The following PBRM1 variants were observed in gnomAD, a reference collection of about 807,000 sequenced individuals.
The protein encoded by PBRM1 is polybromo 1.
Under a neutral mutation model 194.5 loss-of-function variants are expected in PBRM1, and 27 were observed. The ratio of observed to expected loss-of-function variants is 0.14; its 90% CI spans 0.10 to 0.19. PBRM1 has a LOEUF of 0.19. PBRM1 is among the 10% of genes least tolerant of loss of function. The pLI is 1.00. For missense variants in PBRM1, 1,466 were observed against 2,077.2 expected (o/e 0.71, Z 5.72); for synonymous variants, 655 against 693.2 (o/e 0.94, Z 0.87).
chr3:52,569,964 TTTC>T (rs1391144377), intron 22 of PBRM1, among the ~76,000 whole-genome samples: 2 of 152,090 alleles, frequency 1.3e-5, no homozygotes, highest in African/African-American at 2.4e-5. Flanking sequence ...CCCTATTTTG[TTTC>T]TTTTCTTTTT....
chr3:52,593,799 A>G (rs2093323088), intron 17 of PBRM1, among the ~76,000 whole-genome samples: 1 of 152,126 alleles, frequency 6.6e-6, no homozygotes, highest in Non-Finnish European at 1.5e-5. Context: ...AGTGGTTGGT[A>G]TAATTTTCCT....
exon 21 of PBRM1, chr3:52,579,061 C>G (rs369155727): frequency 1.5e-5 from 25 of 1,614,046 alleles, no homozygotes; most frequent in East Asian, 2.2e-5. Context: ...CACCTGCCCA[C>G]ACGAGGACGC....
downstream of PBRM1, chr3:52,546,828 T>C (rs1274430757): frequency 4.3e-6 from 1 of 233,166 alleles, no homozygotes; most frequent in Admixed American, 5.6e-5. Context: ...AAGCGTTTTA[T>C]TAAATTATGA....
chr3:52,634,806 T>C lies in PBRM1; in HGVS notation c.1097A>G (p.Tyr366Cys), dbSNP rs373477703. ...TTCTGCTTCTGACTCTCCCTCTTCA[T>C]AGCGTGCAGCTGGAAAGACAAAAAA... The change falls in exon 11 of 30, where the codon TAT becomes TGT. Residue 366 changes from tyrosine (Y) to cysteine (C), a missense_variant. Tyr to Cys is a radical substitution (Grantham distance 194). Around this residue, in one of 5 missense-constraint regions of PBRM1, gnomAD observed 457 missense variants for 591.6 expected, o/e 0.77. Transcript: ENST00000296302. 6.6e-5 allele frequency: 107 copies of C among 1,612,896 alleles called. No homozygotes were observed. In the Admixed American group the frequency reaches 1.6e-3, roughly 23 times the overall value.
rs930489703 is a variant in PBRM1, at chr3:52,609,083, T to G, written c.2567+230A>C. The G allele has an allele frequency of 1.2e-5, 5 of 422,866 alleles. No individual in the cohort carries two copies. Among genetic ancestry groups the G allele is most frequent in the Admixed American group, 4.0e-5 (1 of 24,904 alleles). 26.2% of individuals were successfully genotyped at this position (422,866 alleles called of 1,614,324 possible). ...TATGCTTTTCAAGAGATTTTCAATT[T>G]TGTCTTCCTCCTCACTGGCCTTAAA... On this transcript the variant is annotated intron_variant, in intron 16 of 29. Coordinates refer to ENST00000296302, the Ensembl canonical transcript of PBRM1. The surrounding 1 kb of genome is among the most constrained non-coding windows in gnomAD (Gnocchi z 4.1).
chr3:52,596,902 C>A (rs75388845), intron 17 of PBRM1, among the ~76,000 whole-genome samples: 2,959 of 152,200 alleles, frequency 0.019, 44 homozygotes, highest in African/African-American at 0.041. Flanking sequence ...CTAGGACTTG[C>A]CTAATAGTTG....
At chr3:52,567,343 C>T (rs116664445) in intron 22 of PBRM1, among the ~76,000 whole-genome samples, 1 of 151,760 alleles carries the variant, frequency 6.6e-6, no homozygotes, top group Non-Finnish European at 1.5e-5. Flanking sequence ...TCAATTTGCA[C>T]GTAGGTGAAT....
chr3:52,658,907 T>C (rs901615602), intron 4 of PBRM1, among the ~76,000 whole-genome samples: 2 of 152,234 alleles, frequency 1.3e-5, no homozygotes, highest in African/African-American at 4.8e-5. Context: ...GTTTAAGTGC[T>C]ACAAATGTGA....
rs535678832 is a variant in PBRM1 at position 52,664,454 on chromosome 3, C to T, written c.385-2178G>A. ...AAGATTATCTAAAAAGCAACACAGA[C>T]GCTGGGCGCGGTGGCTCACGCCTGT... On this transcript the variant is annotated intron_variant, in intron 3 of 29. Transcript: ENST00000296302. Among the ~76,000 whole-genome samples the T allele has an allele frequency of 1.9e-4, 28 of 145,954 alleles. No individual in the cohort carries two copies. In the South Asian group the frequency reaches 2.8e-3, roughly 15 times the overall value.
upstream of PBRM1, among the ~76,000 whole-genome samples, chr3:52,682,986 G>A (rs577510790): frequency 6.6e-6 from 1 of 152,148 alleles, no homozygotes; most frequent in South Asian, 2.1e-4. Context: ...GATCACCTGA[G>A]GTCAGGAGAT....
chr3:52,655,212 ACT>A (rs2096586990), intron 5 of PBRM1, among the ~76,000 whole-genome samples: 1 of 152,114 alleles, frequency 6.6e-6, no homozygotes, highest in African/African-American at 2.4e-5. Context: ...CAAAATGGAA[ACT>A]CTGTACATAT....
chr3:52,573,683 C>A (rs912854270), intron 22 of PBRM1, among the ~76,000 whole-genome samples: 2 of 152,144 alleles, frequency 1.3e-5, no homozygotes, highest in African/African-American at 4.8e-5. Flanking sequence ...GCTCTAAGGG[C>A]CATTACTTCA....
At chr3:52,583,420 A>C (rs553649779) in intron 20 of PBRM1, among the ~76,000 whole-genome samples, 86 of 152,184 alleles carry the variant, frequency 5.7e-4, no homozygotes, top group African/African-American at 9.6e-4. Flanking sequence ...AAAAAAACAA[A>C]AAAAAAAACA....
rs114842850 is a variant in PBRM1, at chr3:52,598,612, T to C, written c.2779+4909A>G. Among the ~76,000 whole-genome samples, 1,197 of 152,296 alleles carry C rather than the reference T, an allele frequency of 7.9e-3. 11 individuals carry two copies. Among genetic ancestry groups the C allele is most frequent in the African/African-American group, 0.027 (1,124 of 41,554 alleles). ...ATTTTTCATTGACATATGATAATCA[T>C]GTGGCTGGTGTCTGCAATCCCAGCA... On this transcript the variant is annotated intron_variant, in intron 17 of 29. Transcript: ENST00000296302.
Position 52,638,986 on chromosome 3 carries a change from TGGG to T in PBRM1, c.1087+2965_1087+2967del, listed in dbSNP as rs71084199. The stretch of plus-strand genomic sequence containing the variant: ...GCATAACGTTATTCACATTTTTTTT[TGGG>T]GGGGGGGGGCGGGGGACAAAGTTTT... On this transcript the variant is annotated intron_variant, in intron 10 of 29. Transcript: ENST00000296302. 2.4e-4 allele frequency among the ~76,000 whole-genome samples: 14 copies of T among 57,890 alleles called. No homozygotes were observed. The East Asian group carries it at 0.017, about 71-fold the overall frequency. 38.0% of individuals were successfully genotyped at this position (57,890 alleles called of 152,430 possible).
At position 52,677,408 on chromosome 3, in the gene PBRM1, C is replaced by CTTTTTT. The variant is rs71087007; in HGVS notation, c.236+1086_236+1091dup. 3.2e-4 allele frequency among the ~76,000 whole-genome samples: 35 copies of CTTTTTT among 110,828 alleles called. 7 individuals carry two copies. The highest frequency in any genetic ancestry group is 1.3e-3 in the African/African-American group (29 of 22,088). The allele number at this position is 110,828 out of a possible 152,430, so 72.7% of individuals were successfully genotyped here. ...ACAGGCGCCCCACCACCATGCTCGGCTTTTTTTTTTTTTTTTTTTTTGAGA... is the reference window on the plus strand; with the variant it reads ...ACAGGCGCCCCACCACCATGCTCGGCTTTTTTTTTTTTTTTTTTTTTTTTTTTGAGA... On this transcript the variant is annotated intron_variant, in intron 2 of 29. Coordinates refer to ENST00000296302, the Ensembl canonical transcript of PBRM1.
intron 22 of PBRM1, among the ~76,000 whole-genome samples, chr3:52,573,740 G>A (rs897509719): frequency 6.6e-6 from 1 of 152,212 alleles, no homozygotes. Flanking sequence ...AATTCTGTAA[G>A]ATAGTCAAAG....
At chr3:52,675,118 TAGA>T (rs2097067267) in intron 2 of PBRM1, among the ~76,000 whole-genome samples, 1 of 152,082 alleles carries the variant, frequency 6.6e-6, no homozygotes. Flanking sequence ...GCCAACAAAT[TAGA>T]TAAACTAGAA....
In PBRM1 at chr3:52,609,569, C is replaced by T. The variant is rs1190579793; in HGVS notation, c.2311G>A (p.Val771Ile). Residue 771 changes from valine (V) to isoleucine (I), a missense_variant, in exon 16 of 30, where the codon GTC (valine) becomes ATC (isoleucine). Transcript: ENST00000296302. The surrounding 1 kb of genome is among the most constrained non-coding windows in gnomAD (Gnocchi z 4.1). ...TGAATCAGCAAAGTCACATTTGGGA[C>T]ATGAGAGTCCTCATCTCCCTCCAGG... The T allele has an allele frequency of 1.2e-6, 2 of 1,613,480 alleles. No homozygotes were observed. Among genetic ancestry groups the T allele is most frequent in the Non-Finnish European group, 1.7e-6 (2 of 1,179,656 alleles).
Sources: allele counts gnomAD v4.1 joint callset (sites outside exome capture counted in the v4.1 genomes callset), GRCh38; gene constraint gnomAD v4.1.1; regional missense constraint gnomAD v4.1.1; non-coding constraint Gnocchi (gnomAD v3.1); transcripts MANE v1.5; gene names NCBI Gene and HGNC (gene_info 2026-07-23, HGNC 2026-07-21).